KIAA0586: variants seen among roughly 807,000 people sequenced by gnomAD.
The protein encoded by KIAA0586 is protein TALPID3.
Under a neutral mutation model 169.8 loss-of-function variants are expected in KIAA0586, and 144 were observed. The observed-to-expected ratio is 0.85, with a 90% CI of 0.74 to 0.97. The LOEUF is 0.97. KIAA0586 is among the 50% of genes least tolerant of loss of function. The pLI is 0.00. For synonymous variants in KIAA0586, 625 were observed against 612.4 expected (o/e 1.02, Z -0.30); for missense variants, 1,854 against 1,823.0 (o/e 1.02, Z -0.31).
chr14:58,464,851 T>A (rs1016892155), intron 14 of KIAA0586, among the ~76,000 whole-genome samples: 1 of 152,128 alleles, frequency 6.6e-6, no homozygotes, highest in Non-Finnish European at 1.5e-5. Context: ...ATTCATGTCC[T>A]GGGCAGGATG....
Position 58,540,101 on chromosome 14 carries a change from T to C in KIAA0586, c.4460T>C (p.Ile1487Thr). Residue 1487 changes from isoleucine (I) to threonine (T), a missense_variant, in exon 30 of 31, where the codon ATT becomes ACT. By Grantham distance (89) the Ile-to-Thr change is moderately conservative (BLOSUM62 -1). Transcript: ENST00000652326. ...VSPGDMDRTQ[I>T]ELNPYLTCVF... ...CCAGGTGATATGGATCGGACACAAA[T>C]TGAGCTTAATCCGTACCTCACATGT... 1 of 1,563,604 alleles carries C rather than the reference T, an allele frequency of 6.4e-7. No homozygotes were observed. The highest frequency in any genetic ancestry group is 8.7e-7 in the Non-Finnish European group (1 of 1,151,044).
rs746567245 is a variant in KIAA0586 at position 58,474,785 on chromosome 14, G to A, written c.2813G>A (p.Ser938Asn). 1.0e-5 allele frequency: 16 copies of A among 1,598,536 alleles called. No individual in the cohort carries two copies. ...GAGAGAAAAGAAACACTGGAAAATA[G>A]CTTAATTCAATGGTAAGTTTATAAT... ...VIERKETLEN[S>N]LIQWVEQEIM... Residue 938 changes from serine (S) to asparagine (N), a missense_variant, in exon 19 of 31, where the codon AGC (serine) becomes AAC (asparagine). Physicochemically the swap from Ser to Asn is conservative, Grantham distance 46 (BLOSUM62 1). Transcript: ENST00000652326.
chr14:58,457,858 GAGA>G lies in KIAA0586; in HGVS notation c.1466_1468del (p.Lys489del). 1 of 1,608,706 alleles carries G rather than the reference GAGA, an allele frequency of 6.2e-7. No homozygotes were observed. Among genetic ancestry groups the G allele is most frequent in the Non-Finnish European group, 8.5e-7 (1 of 1,177,158 alleles). On this transcript the variant is annotated inframe_deletion, in exon 11 of 31. Coordinates refer to ENST00000652326, the MANE Select transcript of KIAA0586 (RefSeq NM_001329943.3). ...AACAAGATCTGTATTGAAAGATGCT[GAGA>G]AGATTTTGAGAGGAGTACAAAACAA...
rs150467196 is a variant in KIAA0586, at chr14:58,545,948, C to T, written c.4496-1833C>T. Among the ~76,000 whole-genome samples, 40 of 152,082 alleles carry T rather than the reference C, an allele frequency of 2.6e-4. 1 individual carries two copies. The East Asian group carries it at 6.0e-3, about 23-fold the overall frequency. The stretch of plus-strand genomic sequence containing the variant: ...ACTTGGGAGGCTGAGGTGGAAGGAT[C>T]GCTTGAGCCTGTGAGGTTGAGGCTG... On this transcript the variant is annotated intron_variant, in intron 30 of 30. Coordinates refer to ENST00000652326, the MANE Select transcript of KIAA0586 (RefSeq NM_001329943.3).
At chr14:58,525,593 C>T (rs960604721) in intron 29 of KIAA0586, among the ~76,000 whole-genome samples, 8 of 152,230 alleles carry the variant, frequency 5.3e-5, no homozygotes, top group South Asian at 2.1e-4. Context: ...CAGGTGCCTA[C>T]ACCACGAGGG....
intron 29 of KIAA0586, among the ~76,000 whole-genome samples, chr14:58,523,863 C>G (rs1438808745): frequency 6.6e-6 from 1 of 151,932 alleles, no homozygotes; most frequent in East Asian, 1.9e-4. Context: ...CACTCCTGGC[C>G]TCAGTATTAT....
chr14:58,484,819 A>G (rs1173155647), intron 21 of KIAA0586, among the ~76,000 whole-genome samples: 3 of 140,992 alleles, frequency 2.1e-5, no homozygotes, highest in Non-Finnish European at 4.5e-5. Flanking sequence ...ATACAGAATA[A>G]AGGGTAATCA....
chr14:58,478,838 T>C (rs2041840209), intron 20 of KIAA0586, among the ~76,000 whole-genome samples: 1 of 152,250 alleles, frequency 6.6e-6, no homozygotes, highest in South Asian at 2.1e-4. Context: ...AATCATGCAA[T>C]ATGTAGCCCG....
In KIAA0586 at chr14:58,484,915, T is replaced by TATATATATATAA. The variant is rs1275726058; in HGVS notation, c.3145-2082_3145-2081insAAATATATATAT. Among the ~76,000 whole-genome samples the TATATATATATAA allele has an allele frequency of 3.6e-4, 11 of 30,722 alleles. 2 individuals are homozygous for TATATATATATAA. Among genetic ancestry groups the TATATATATATAA allele is most frequent in the Non-Finnish European group, 7.4e-4 (11 of 14,880 alleles). 20.2% of individuals were successfully genotyped at this position (30,722 alleles called of 152,430 possible). On this transcript the variant is annotated intron_variant, in intron 21 of 30. Coordinates refer to ENST00000652326, the MANE Select transcript of KIAA0586 (RefSeq NM_001329943.3). ...TTATATATATATATATATATATATA[T>TATATATATATAA]ATATATATATTTTTTTTTTTTTTTT...
chr14:58,498,189 T>C (rs2043297359), intron 26 of KIAA0586, among the ~76,000 whole-genome samples: 1 of 151,020 alleles, frequency 6.6e-6, no homozygotes, highest in African/African-American at 2.4e-5. Context: ...TTTTTGTGTT[T>C]TTTTTGACAC....
At position 58,459,839 on chromosome 14, in the gene KIAA0586, T is replaced by C; in HGVS notation, c.1657-4T>C. ...TAAGTAATTTTAACTTTGGTTATGT[T>C]AAGGATGAACTGTCAAGAACAGATT... On this transcript the variant is annotated splice_polypyrimidine_tract_variant and splice_region_variant and intron_variant, in intron 12 of 30. Coordinates refer to ENST00000652326, the MANE Select transcript of KIAA0586 (RefSeq NM_001329943.3). 2 of 1,477,288 alleles carry C rather than the reference T, an allele frequency of 1.4e-6. No individual in the cohort carries two copies. Among genetic ancestry groups the C allele is most frequent in the Non-Finnish European group, 1.8e-6 (2 of 1,108,204 alleles). The allele number at this position is 1,477,288 out of a possible 1,614,324, so 91.5% of individuals were successfully genotyped here.
chr14:58,554,658 T>G (rs2140175105), downstream of KIAA0586, among the ~76,000 whole-genome samples: 1 of 152,332 alleles, frequency 6.6e-6, no homozygotes, highest in Admixed American at 6.5e-5. Flanking sequence ...TTTTGATACT[T>G]TAGACCTGGA....
intron 11 of KIAA0586, 133 bp from the exon 12 acceptor site, chr14:58,458,340 C>G: frequency 1.6e-6 from 1 of 618,396 alleles, no homozygotes; most frequent in South Asian, 2.1e-5. Flanking sequence ...TTCTACTATC[C>G]TAATATCCTT....
Position 58,482,578 on chromosome 14 carries a change from G to A in KIAA0586, c.3010G>A (p.Val1004Met). ...VDAGVPVNSNVIKHFVNEALA... is the reference protein window; with the variant it reads ...VDAGVPVNSNMIKHFVNEALA... Reference sequence around the variant, plus strand: ...TGCTGGTGTTCCTGTGAACTCAAATGTGATTAAACATTTTGTTAACGAAGC... The same window carrying A: ...TGCTGGTGTTCCTGTGAACTCAAATATGATTAAACATTTTGTTAACGAAGC... The change falls in exon 21 of 31, where the codon GTG becomes ATG. Residue 1004 changes from valine (V) to methionine (M), a missense_variant. Transcript: ENST00000652326. 1 of 1,602,056 alleles carries A rather than the reference G, an allele frequency of 6.2e-7. No homozygotes were observed. The highest frequency in any genetic ancestry group is 1.3e-5 in the African/African-American group (1 of 74,406).
chr14:58,535,874 T>C (rs1391096315), intron 29 of KIAA0586, among the ~76,000 whole-genome samples: 4 of 152,068 alleles, frequency 2.6e-5, no homozygotes, highest in African/African-American at 7.2e-5. Context: ...GCTTCATCTT[T>C]ATATCCTTAT....
intron 27 of KIAA0586, among the ~76,000 whole-genome samples, chr14:58,503,513 TGTGCTAG>T (rs1045560955): frequency 2.0e-5 from 3 of 152,192 alleles, no homozygotes; most frequent in African/African-American, 7.2e-5. Flanking sequence ...GTGCTGAGCA[TGTGCTAG>T]GTGCTAGGAA....
intron 27 of KIAA0586, among the ~76,000 whole-genome samples, chr14:58,507,236 A>G (rs2044033760): frequency 1.8e-5 from 1 of 55,582 alleles, no homozygotes; most frequent in Non-Finnish European, 3.6e-5. Context: ...ATCTATATGT[A>G]TGATTTATAT....
At chr14:58,484,125 A>G (rs927345278) in intron 21 of KIAA0586, among the ~76,000 whole-genome samples, 1 of 152,146 alleles carries the variant, frequency 6.6e-6, no homozygotes, top group Admixed American at 6.5e-5. Flanking sequence ...TGGGGTTGGT[A>G]AAAGTTGAAT....
intron 16 of KIAA0586, among the ~76,000 whole-genome samples, chr14:58,468,714 C>T (rs191174283): frequency 7.2e-5 from 11 of 152,156 alleles, no homozygotes; most frequent in African/African-American, 1.4e-4. Flanking sequence ...TATTTACATG[C>T]GACTTTCTAT....
Sources: allele counts gnomAD v4.1 joint callset (sites outside exome capture counted in the v4.1 genomes callset), GRCh38; gene constraint gnomAD v4.1.1; transcripts MANE v1.5; gene names NCBI Gene and HGNC (gene_info 2026-07-23, HGNC 2026-07-21).